Variants in CDKAL1 observed in about 807,000 individuals in gnomAD.
CDKAL1 encodes the protein threonylcarbamoyladenosine tRNA methylthiotransferase.
CDKAL1 carries 32 observed loss-of-function variants against 68.2 expected under a neutral mutation model. The ratio of observed to expected loss-of-function variants is 0.47; its 90% CI spans 0.35 to 0.63. The LOEUF is 0.63. Among genes scored for constraint, CDKAL1 ranks in the 30% least tolerant of loss-of-function variants. The probability of loss-of-function intolerance (pLI) is 0.00; values close to 1 mark genes in which losing one functional copy is unlikely to be tolerated. For missense variants in CDKAL1, 606 were observed against 696.7 expected (o/e 0.87, Z 1.47); for synonymous variants, 234 against 244.3 (o/e 0.96, Z 0.39).
chr6:21,086,712 G>A (rs990681262), intron 12 of CDKAL1, among the ~76,000 whole-genome samples: 22 of 151,950 alleles, frequency 1.4e-4, no homozygotes, highest in Non-Finnish European at 2.8e-4. Context: ...GTTTCCCCCC[G>A]ACTGCCCAAG....
At chr6:20,735,776 T>C (rs1773163002) in intron 5 of CDKAL1, among the ~76,000 whole-genome samples, 1 of 152,240 alleles carries the variant, frequency 6.6e-6, no homozygotes, top group African/African-American at 2.4e-5. Context: ...AATTACATAA[T>C]GGCTATTACC....
chr6:20,815,141 G>A (rs1205188540), intron 8 of CDKAL1, among the ~76,000 whole-genome samples: 7 of 152,132 alleles, frequency 4.6e-5, no homozygotes, highest in Admixed American at 6.6e-5. Context: ...CTTTATTTTG[G>A]CCAGAAGCAA....
chr6:20,564,055 T>C (rs1764368171), intron 4 of CDKAL1, among the ~76,000 whole-genome samples: 1 of 152,202 alleles, frequency 6.6e-6, no homozygotes, highest in Non-Finnish European at 1.5e-5. Flanking sequence ...GATGCTCTAT[T>C]AATCTCATGA....
intron 8 of CDKAL1, among the ~76,000 whole-genome samples, chr6:20,819,014 A>G (rs937133953): frequency 2.4e-4 from 37 of 152,118 alleles, no homozygotes; most frequent in African/African-American, 8.7e-4. Context: ...AAATAAAACA[A>G]TCATTTTGTT....
intron 7 of CDKAL1, chr6:20,772,950 G>C (rs1435421070): frequency 6.6e-6 from 1 of 152,064 alleles, no homozygotes; most frequent in East Asian, 1.9e-4. Flanking sequence ...CTTATACTCT[G>C]ATTTATACTT....
At chr6:20,917,743 A>G (rs1762782187) in intron 9 of CDKAL1, among the ~76,000 whole-genome samples, 1 of 152,182 alleles carries the variant, frequency 6.6e-6, no homozygotes. Flanking sequence ...GAGTGAGAAC[A>G]TACAGTATCA....
chr6:21,175,004 CA>C (rs1038931946), intron 13 of CDKAL1, among the ~76,000 whole-genome samples: 3 of 152,126 alleles, frequency 2.0e-5, no homozygotes, highest in African/African-American at 4.8e-5. Flanking sequence ...CTCCTGAGAG[CA>C]ATGGGGAACC....
At chr6:20,897,662 T>C (rs529260070) in intron 9 of CDKAL1, among the ~76,000 whole-genome samples, 1 of 152,260 alleles carries the variant, frequency 6.6e-6, no homozygotes, top group Admixed American at 6.5e-5. Flanking sequence ...CCTAATTATA[T>C]AGGAAAAAGT....
intron 11 of CDKAL1, among the ~76,000 whole-genome samples, chr6:21,037,007 A>G (rs1769631518): frequency 6.6e-6 from 1 of 152,210 alleles, no homozygotes; most frequent in Non-Finnish European, 1.5e-5. Context: ...TTTGCTCATC[A>G]TTGATAAAGT....
At chr6:21,098,086 T>C (rs1467882810) in intron 12 of CDKAL1, among the ~76,000 whole-genome samples, 1 of 152,224 alleles carries the variant, frequency 6.6e-6, no homozygotes, top group Non-Finnish European at 1.5e-5. Context: ...GTCTCACTAG[T>C]ATGGTGCCTG....
chr6:20,560,185 ATGT>A (rs1408643077), intron 4 of CDKAL1, among the ~76,000 whole-genome samples: 1 of 152,238 alleles, frequency 6.6e-6, no homozygotes, highest in Non-Finnish European at 1.5e-5. Context: ...CATGTTACAA[ATGT>A]TCTTCTAATG....
At chr6:21,176,256 G>A (rs1777567585) in intron 13 of CDKAL1, among the ~76,000 whole-genome samples, 1 of 152,166 alleles carries the variant, frequency 6.6e-6, no homozygotes, top group African/African-American at 2.4e-5. Context: ...TCTTATTTTT[G>A]TATGCATGTA....
intron 9 of CDKAL1, among the ~76,000 whole-genome samples, chr6:20,903,074 G>GT (rs1762078074): frequency 6.6e-6 from 1 of 152,102 alleles, no homozygotes; most frequent in Admixed American, 6.5e-5. Context: ...AAATCAAATT[G>GT]TTTTTAGCAT....
chr6:21,092,834 C>CA (rs1773113599), intron 12 of CDKAL1, among the ~76,000 whole-genome samples: 1 of 144,520 alleles, frequency 6.9e-6, no homozygotes, highest in Non-Finnish European at 1.5e-5. Flanking sequence ...ATTGGGAGAG[C>CA]AAAAAATAAT....
chr6:21,056,017 A>G (rs1311351690), intron 11 of CDKAL1, among the ~76,000 whole-genome samples: 1 of 152,206 alleles, frequency 6.6e-6, no homozygotes, highest in Non-Finnish European at 1.5e-5. Flanking sequence ...ATTTCTCCAC[A>G]GCCTCACCAA....
chr6:21,209,731 C>G (rs1779079551), intron 15 of CDKAL1, among the ~76,000 whole-genome samples: 2 of 152,174 alleles, frequency 1.3e-5, no homozygotes, highest in Non-Finnish European at 2.9e-5. Flanking sequence ...GAAAAAAAGC[C>G]TCCTTAGGAG....
intron 5 of CDKAL1, among the ~76,000 whole-genome samples, chr6:20,725,569 G>C (rs1317248858): frequency 6.6e-6 from 1 of 152,146 alleles, no homozygotes; most frequent in African/African-American, 2.4e-5. Context: ...CGGATCACCT[G>C]AGGTCAGGAG....
intron 9 of CDKAL1, among the ~76,000 whole-genome samples, chr6:20,903,305 C>G (rs1347852657): frequency 1.3e-5 from 2 of 152,120 alleles, no homozygotes; most frequent in East Asian, 3.9e-4. Context: ...TTTAATCTTC[C>G]CAAGCATCAT....
intron 5 of CDKAL1, among the ~76,000 whole-genome samples, chr6:20,695,038 C>T (rs1036594832): frequency 1.3e-5 from 2 of 152,180 alleles, no homozygotes; most frequent in African/African-American, 2.4e-5. Flanking sequence ...AACCTCTTTT[C>T]TTTATAAACT....
Sources: allele counts gnomAD v4.1 joint callset (sites outside exome capture counted in the v4.1 genomes callset), GRCh38; gene constraint gnomAD v4.1.1; transcripts MANE v1.5; gene names NCBI Gene and HGNC (gene_info 2026-07-23, HGNC 2026-07-21).